SLC9C1: variants seen among roughly 807,000 people sequenced by gnomAD.
The protein encoded by SLC9C1 is sodium/hydrogen exchanger 10.
A neutral mutation model predicts 140.9 loss-of-function variants in SLC9C1; 97 were observed. The ratio of observed to expected loss-of-function variants is 0.69; its 90% CI spans 0.58 to 0.82. The LOEUF (loss-of-function observed/expected upper bound fraction) is 0.82, where lower values mean the gene tolerates loss of function less well. Ranked by LOEUF, SLC9C1 falls within the 40% of genes least tolerant of loss-of-function variation. The pLI, the probability that SLC9C1 is intolerant of heterozygous loss-of-function variation, is 0.00. For synonymous variants in SLC9C1, 440 were observed against 442.6 expected, an observed-to-expected ratio of 0.99 and a Z score of 0.07; for missense variants, 1,340 against 1,389.3, an observed-to-expected ratio of 0.96 and a Z score of 0.56.
At chr3:112,221,066 C>G in intron 14 of SLC9C1, 62 bp downstream of exon 14, 1 of 1,384,724 alleles carries the variant, frequency 7.2e-7, no homozygotes, top group East Asian at 2.3e-5. Context: ...AGAAAACTCA[C>G]TTGGGTAATT....
At chr3:112,183,349 C>CTTTTTTTTTTTTTTTTTTTGTTTTT (rs2077474988) in intron 20 of SLC9C1, among the ~76,000 whole-genome samples, 1 of 95,404 alleles carries the variant, frequency 1.0e-5, no homozygotes, top group Admixed American at 1.1e-4. Context: ...AGCACCTTTT[C>CTTTTTTTTTTTTTTTTTTTGTTTTT]TTTTTTTTTT....
intron 1 of SLC9C1, among the ~76,000 whole-genome samples, chr3:112,291,604 A>G (rs1243735378): frequency 6.6e-6 from 1 of 152,210 alleles, no homozygotes; most frequent in Non-Finnish European, 1.5e-5. Context: ...TCCTATTAAA[A>G]AGTCAAAAAA....
At chr3:112,198,921 CT>C (rs1226769012) in intron 20 of SLC9C1, among the ~76,000 whole-genome samples, 4 of 151,686 alleles carry the variant, frequency 2.6e-5, no homozygotes. Context: ...ATTTATGTAA[CT>C]TAGGAAAAGG....
intron 20 of SLC9C1, chr3:112,185,757 T>C: frequency 2.6e-6 from 4 of 1,543,026 alleles, no homozygotes; most frequent in Non-Finnish European, 3.5e-6. Context: ...CGGGCTGTCC[T>C]TCAGGGAGGG....
At chr3:112,263,267 A>G (rs2079827831) in intron 9 of SLC9C1, among the ~76,000 whole-genome samples, 169 bp from the exon 10 acceptor site, 1 of 151,970 alleles carries the variant, frequency 6.6e-6, no homozygotes, top group South Asian at 2.1e-4. Context: ...GGTATTCCAT[A>G]GAGAGACATG....
At chr3:112,216,815 G>C (rs564708923) in intron 15 of SLC9C1, among the ~76,000 whole-genome samples, 6 of 152,240 alleles carry the variant, frequency 3.9e-5, no homozygotes, top group East Asian at 1.9e-4. Flanking sequence ...CAAGGATCTA[G>C]AACTAGAAAT....
At chr3:112,166,261 C>T (rs933691999) in intron 26 of SLC9C1, among the ~76,000 whole-genome samples, 6 of 152,214 alleles carry the variant, frequency 3.9e-5, no homozygotes, top group Admixed American at 1.3e-4. Context: ...ACACTTGGTG[C>T]GCTGCACCCA....
chr3:112,179,532 T>A lies in SLC9C1; in HGVS notation c.2918A>T (p.Glu973Val). Residue 973 changes from glutamate (E) to valine (V), a missense_variant and splice_region_variant, in exon 23 of 29, where the codon GAG (glutamate) becomes GTG (valine). By Grantham distance (121) the Glu-to-Val change is moderately radical. Transcript: ENST00000305815. ...KYSATCKTVVETCFIPKTHLY... is the reference protein window; with the variant it reads ...KYSATCKTVVVTCFIPKTHLY... ...AGTCACAGGCGAAGTTTTTCTGACC[T>A]CCACTACAGTTTTGCAGGTGGCAGA... is the stretch of plus-strand genomic sequence containing the variant. The A allele has an allele frequency of 6.3e-7, 1 of 1,593,492 alleles. No homozygotes were observed. Among genetic ancestry groups the A allele is most frequent in the South Asian group, 1.2e-5 (1 of 84,262 alleles).
chr3:112,206,158 A>G, intron 16 of SLC9C1, among the ~76,000 whole-genome samples: 1 of 63,454 alleles, frequency 1.6e-5, no homozygotes, highest in African/African-American at 4.9e-5. Flanking sequence ...ATTTACAAGA[A>G]AAAAACAACC....
chr3:112,210,372 C>A (rs1265184727), intron 15 of SLC9C1, among the ~76,000 whole-genome samples: 2 of 152,138 alleles, frequency 1.3e-5, no homozygotes, highest in African/African-American at 4.8e-5. Context: ...AAGAGGATGA[C>A]CCTTATGCTA....
At chr3:112,240,243 T>C (rs1300950312) in intron 11 of SLC9C1, among the ~76,000 whole-genome samples, 5 of 152,262 alleles carry the variant, frequency 3.3e-5, no homozygotes, top group Non-Finnish European at 7.3e-5. Context: ...TACTATATTC[T>C]GCAAAAGTGC....
At chr3:112,250,201 T>C (rs1375697392) in intron 10 of SLC9C1, among the ~76,000 whole-genome samples, 3 of 151,982 alleles carry the variant, frequency 2.0e-5, no homozygotes, top group Admixed American at 1.3e-4. Flanking sequence ...CTGAGAATGA[T>C]GGTTTCCAGC....
At chr3:112,249,333 G>C (rs1157010632) in intron 10 of SLC9C1, among the ~76,000 whole-genome samples, 1 of 150,524 alleles carries the variant, frequency 6.6e-6, no homozygotes, top group Non-Finnish European at 1.5e-5. Context: ...TTTTTGATTT[G>C]TTGCTGGATT....
intron 15 of SLC9C1, among the ~76,000 whole-genome samples, chr3:112,213,514 C>A (rs945462982): frequency 1.4e-4 from 21 of 152,086 alleles, no homozygotes; most frequent in South Asian, 4.1e-4. Flanking sequence ...GGAGGAAGAT[C>A]TACCAAGCAG....
rs6791182 is a variant in SLC9C1 at position 112,277,879 on chromosome 3, A to G, written c.319-19T>C. 237,877 of 1,575,756 alleles carry G rather than the reference A, an allele frequency of 0.15. 18,863 individuals carry two copies. Among genetic ancestry groups the G allele is most frequent in the South Asian group, 0.22 (18,581 of 85,948 alleles). ...AAAGTATCTGCAAAGAAATTTTACAATTAGAAAAATCAGACTGCTTTTGTA... is the reference window on the plus strand; with the variant it reads ...AAAGTATCTGCAAAGAAATTTTACAGTTAGAAAAATCAGACTGCTTTTGTA... On this transcript the variant is annotated intron_variant, in intron 4 of 28. Coordinates refer to ENST00000305815, the MANE Select transcript of SLC9C1 (RefSeq NM_183061.3).
intron 1 of SLC9C1, among the ~76,000 whole-genome samples, chr3:112,287,379 T>C (rs979555816): frequency 2.0e-5 from 3 of 152,244 alleles, no homozygotes; most frequent in African/African-American, 4.8e-5. Context: ...CATGATGATA[T>C]CCAATCACAG....
intron 3 of SLC9C1, 68 bp downstream of exon 3, chr3:112,280,615 T>G: frequency 1.6e-5 from 22 of 1,408,254 alleles, no homozygotes; most frequent in Non-Finnish European, 1.8e-5. Flanking sequence ...TTGCAAATTT[T>G]AAATGCCATC....
At chr3:112,163,403 G>T (rs954993132) in intron 26 of SLC9C1, among the ~76,000 whole-genome samples, 20 of 148,440 alleles carry the variant, frequency 1.3e-4, no homozygotes, top group African/African-American at 4.7e-4. Context: ...TCTCTTGTGG[G>T]CATTTAGTGC....
chr3:112,202,461 T>G (rs1286982841), intron 17 of SLC9C1, 62 bp from the exon 18 acceptor site: 1 of 1,481,262 alleles, frequency 6.8e-7, no homozygotes, highest in African/African-American at 1.4e-5. Context: ...GATATGTTGA[T>G]TAGTTTAATC....
Sources: allele counts gnomAD v4.1 joint callset (sites outside exome capture counted in the v4.1 genomes callset), GRCh38; gene constraint gnomAD v4.1.1; transcripts MANE v1.5; gene names NCBI Gene and HGNC (gene_info 2026-07-23, HGNC 2026-07-21).